TAX1BP1: variants seen among roughly 807,000 people sequenced by gnomAD.
TAX1BP1 encodes Tax1 binding protein 1, also known as tax1-binding protein 1.
In TAX1BP1, 62 loss-of-function variants were observed where a neutral mutation model predicts 97.7. The ratio of observed to expected loss-of-function variants is 0.63; its 90% CI spans 0.52 to 0.78. TAX1BP1 has a LOEUF of 0.78. Among genes scored for constraint, TAX1BP1 ranks in the 30% least tolerant of loss-of-function variants. The probability of loss-of-function intolerance (pLI) is 0.00; values close to 1 mark genes in which losing one functional copy is unlikely to be tolerated. For synonymous variants in TAX1BP1, 340 were observed against 304.2 expected, an observed-to-expected ratio of 1.12 and a Z score of -1.23; for missense variants, 867 against 916.1, an observed-to-expected ratio of 0.95 and a Z score of 0.69.
chr7:27,744,376 C>T (rs55837822), intron 1 of TAX1BP1, among the ~76,000 whole-genome samples: 53,878 of 152,052 alleles, frequency 0.35, 9,813 homozygotes, highest in Middle Eastern at 0.41. Context: ...CCGCCCGCCT[C>T]GGCCTCCCAA....
Position 27,785,210 on chromosome 7 carries a change from T to C in TAX1BP1, c.660T>C (p.Phe220=). The change falls in exon 6 of 17, where the codon TTT becomes TTC. Residue 220 remains phenylalanine (F), a synonymous_variant. Transcript: ENST00000396319. ...GCTTAAAAATGGAAAATGAAGAGTT[T>C]AAGAAGAGGTTCAGTGATGCTACAT... ...TQSLKMENEE[F]KKRFSDATSK... is the part of the protein sequence containing the mutation. The C allele has an allele frequency of 6.2e-7, 1 of 1,613,106 alleles. No homozygotes were observed. Among genetic ancestry groups the C allele is most frequent in the Non-Finnish European group, 8.5e-7 (1 of 1,179,460 alleles).
At chr7:27,767,624 A>G (rs1216811606) in intron 4 of TAX1BP1, among the ~76,000 whole-genome samples, 3 of 152,138 alleles carry the variant, frequency 2.0e-5, no homozygotes, top group Non-Finnish European at 4.4e-5. Context: ...ACAAACCCAG[A>G]TCTTAAGAAT....
At chr7:27,780,518 C>G (rs371763959) in intron 5 of TAX1BP1, among the ~76,000 whole-genome samples, 3 of 152,136 alleles carry the variant, frequency 2.0e-5, no homozygotes, top group Non-Finnish European at 4.4e-5. Context: ...CAGTAGCTCT[C>G]AAGATAGCTG....
In TAX1BP1 at chr7:27,828,894, T is replaced by A. The variant is rs894987288; in HGVS notation, c.*65T>A. 16 of 1,310,934 alleles carry A rather than the reference T, an allele frequency of 1.2e-5. No individual in the cohort carries two copies. The highest frequency in any genetic ancestry group is 1.5e-5 in the African/African-American group (1 of 66,434). The allele number at this position is 1,310,934 out of a possible 1,614,324, so 81.2% of individuals were successfully genotyped here. On this transcript the variant is annotated 3_prime_UTR_variant, in exon 17 of 17. Coordinates refer to ENST00000396319, the MANE Select transcript of TAX1BP1 (RefSeq NM_006024.7). ...AAAAAAAAAAAAACCACACCTAAAA[T>A]AGACCACTGAGGAGACCATAGAGCG...
intron 3 of TAX1BP1, among the ~76,000 whole-genome samples, chr7:27,758,734 A>G (rs1788318011): frequency 6.6e-6 from 1 of 152,190 alleles, no homozygotes; most frequent in African/African-American, 2.4e-5. Flanking sequence ...TAATTCCGCT[A>G]TATGAGGTAC....
At chr7:27,797,874 G>A (rs1789995998) in intron 12 of TAX1BP1, among the ~76,000 whole-genome samples, 1 of 150,684 alleles carries the variant, frequency 6.6e-6, no homozygotes, top group Non-Finnish European at 1.5e-5. Flanking sequence ...ACCATATTGA[G>A]GTATAATTGA....
chr7:27,759,501 G>A (rs1249981030), intron 3 of TAX1BP1, among the ~76,000 whole-genome samples: 2 of 151,992 alleles, frequency 1.3e-5, no homozygotes, highest in Non-Finnish European at 2.9e-5. Context: ...TAAAGTTGAT[G>A]GATGACCTGA....
intron 5 of TAX1BP1, among the ~76,000 whole-genome samples, chr7:27,776,792 GTTCACTTGTGCTTTTTTTT>G (rs1393974197): frequency 1.1e-4 from 15 of 140,714 alleles, no homozygotes; most frequent in Admixed American, 1.4e-4. Context: ...TTGTTTCAGA[GTTCACTTGTGCTTTTTTTT>G]TTCACTTGTG....
intron 13 of TAX1BP1, among the ~76,000 whole-genome samples, chr7:27,813,164 T>TC (rs1288687911): frequency 8.3e-4 from 123 of 147,578 alleles, no homozygotes; most frequent in Non-Finnish European, 1.5e-3. Context: ...TTTTTTTTTT[T>TC]TTTCTTAAAG....
chr7:27,818,890 A>G (rs544010662), intron 15 of TAX1BP1, among the ~76,000 whole-genome samples: 1 of 152,274 alleles, frequency 6.6e-6, no homozygotes, highest in East Asian at 1.9e-4. Flanking sequence ...CTGTGGGTAG[A>G]GACAGGATTG....
intron 7 of TAX1BP1, among the ~76,000 whole-genome samples, chr7:27,785,911 G>A (rs1015185553): frequency 6.6e-6 from 1 of 152,076 alleles, no homozygotes; most frequent in Non-Finnish European, 1.5e-5. Context: ...AACAGGTAGT[G>A]TGTAATAAGT....
chr7:27,780,635 C>A (rs943495602), intron 5 of TAX1BP1, among the ~76,000 whole-genome samples: 2 of 152,200 alleles, frequency 1.3e-5, no homozygotes, highest in East Asian at 3.9e-4. Context: ...TTTATGATCT[C>A]ATTGAATTTG....
chr7:27,756,995 C>T (rs1788243972), intron 2 of TAX1BP1, among the ~76,000 whole-genome samples: 2 of 152,092 alleles, frequency 1.3e-5, no homozygotes, highest in South Asian at 2.1e-4. Flanking sequence ...AAATAAATGC[C>T]AGTCATGAAC....
At chr7:27,817,098 A>T in intron 15 of TAX1BP1, 60 bp downstream of exon 15, 1 of 1,568,518 alleles carries the variant, frequency 6.4e-7, no homozygotes, top group Non-Finnish European at 8.6e-7. Context: ...TTATGTAGAG[A>T]GTTAAGGGTA....
intron 3 of TAX1BP1, among the ~76,000 whole-genome samples, chr7:27,762,752 C>T (rs114004995): frequency 2.3e-3 from 357 of 152,230 alleles, no homozygotes; most frequent in African/African-American, 8.2e-3. Context: ...AATTTGAGAC[C>T]AGCCTGGGCA....
chr7:27,795,263 T>A (rs920176545), intron 11 of TAX1BP1, among the ~76,000 whole-genome samples: 1 of 152,116 alleles, frequency 6.6e-6, no homozygotes, highest in African/African-American at 2.4e-5. Context: ...TGTTATAGGG[T>A]ATTTACTTAA....
In TAX1BP1 at chr7:27,816,502, G is replaced by A; in HGVS notation, c.1918G>A (p.Ala640Thr). 1 of 1,537,882 alleles carries A rather than the reference G, an allele frequency of 6.5e-7. No individual in the cohort carries two copies. The highest frequency in any genetic ancestry group is 8.7e-7 in the Non-Finnish European group (1 of 1,155,110). The change falls in exon 14 of 17, where the codon GCA becomes ACA. Residue 640 changes from alanine (A) to threonine (T), a missense_variant. Ala to Thr is a moderately conservative substitution (Grantham distance 58). Transcript: ENST00000396319. ...QPVLQYGNPY[A>T]SQETRDGADG... is the part of the protein sequence containing the mutation. ...AGTTCTGCAATATGGTAATCCTTAT[G>A]CATCTCAGGAAACAAGAGGTTATTA... is the stretch of plus-strand genomic sequence containing the variant.
At chr7:27,820,660 C>T (rs1029279494) in intron 15 of TAX1BP1, among the ~76,000 whole-genome samples, 2 of 152,022 alleles carry the variant, frequency 1.3e-5, no homozygotes, top group Non-Finnish European at 2.9e-5. Context: ...ATATGCAGTT[C>T]GATGAAAGAA....
chr7:27,765,673 G>C (rs908439675), intron 3 of TAX1BP1, among the ~76,000 whole-genome samples, 161 bp from the exon 4 acceptor site: 53 of 152,196 alleles, frequency 3.5e-4, no homozygotes, highest in African/African-American at 1.3e-3. Context: ...GAGTAGGAAG[G>C]AAGAATCTAG....
Sources: allele counts gnomAD v4.1 joint callset (sites outside exome capture counted in the v4.1 genomes callset), GRCh38; gene constraint gnomAD v4.1.1; transcripts MANE v1.5; gene names NCBI Gene and HGNC (gene_info 2026-07-23, HGNC 2026-07-21).